The following DAZAP2 variants were observed in gnomAD, a reference collection of about 807,000 sequenced individuals.
The protein encoded by DAZAP2 is DAZ-associated protein 2.
In DAZAP2, 3 loss-of-function variants were observed where a neutral mutation model predicts 16.2. The ratio of observed to expected loss-of-function variants is 0.19; its 90% CI spans 0.08 to 0.48. The LOEUF (loss-of-function observed/expected upper bound fraction) is 0.48. Among genes scored for constraint, DAZAP2 ranks in the 20% least tolerant of loss-of-function variants. The pLI is 0.98. For missense variants in DAZAP2, 172 were observed against 215.9 expected, an observed-to-expected ratio of 0.80 and a Z score of 1.27; for synonymous variants, 69 against 77.6, an observed-to-expected ratio of 0.89 and a Z score of 0.58.
downstream of DAZAP2, chr12:51,244,477 T>G (rs1475266038): frequency 6.6e-6 from 1 of 152,156 alleles, no homozygotes; most frequent in Non-Finnish European, 1.5e-5. Flanking sequence ...TAACAGGCAG[T>G]GAGTCACTGC....
At chr12:51,245,892 A>G, downstream of DAZAP2, 1 of 1,575,974 alleles carries the variant, frequency 6.3e-7, no homozygotes, top group Non-Finnish European at 8.6e-7. Context: ...TAAGCAGTCA[A>G]CGTGTTAGCG....
intron 1 of DAZAP2, 52 bp downstream of exon 1, chr12:51,238,972 G>C: frequency 6.2e-7 from 1 of 1,607,642 alleles, no homozygotes; most frequent in Non-Finnish European, 8.5e-7. Flanking sequence ...CTGGCCCAGA[G>C]CGAGCGGATT....
At chr12:51,245,727 G>C (rs1944759202), downstream of DAZAP2, 2 of 525,606 alleles carry the variant, frequency 3.8e-6, no homozygotes, top group African/African-American at 3.8e-5. Flanking sequence ...GCTCTAGTAA[G>C]AGGGCCTGGT....
chr12:51,240,164 C>T (rs925510955), intron 1 of DAZAP2, 179 bp from the exon 2 acceptor site: 1 of 608,906 alleles, frequency 1.6e-6, no homozygotes, highest in South Asian at 1.9e-5. Flanking sequence ...CCAGCACCTT[C>T]CATTTTAAGG....
chr12:51,246,475 A>G, downstream of DAZAP2: 1 of 433,486 alleles, frequency 2.3e-6, no homozygotes, highest in East Asian at 3.6e-5. Context: ...CCACTCAACC[A>G]ACCACATATA....
intron 1 of DAZAP2, chr12:51,239,121 C>T (rs931744064): frequency 2.8e-6 from 2 of 722,630 alleles, no homozygotes; most frequent in South Asian, 1.9e-5. Context: ...CCCTTTCCTC[C>T]GTAAACTCTG....
At chr12:51,246,153 C>A, downstream of DAZAP2, 1 of 1,610,080 alleles carries the variant, frequency 6.2e-7, no homozygotes, top group Non-Finnish European at 8.5e-7. Flanking sequence ...AGAGATGTTT[C>A]AGGATTGAGG....
intron 3 of DAZAP2, 58 bp from the exon 4 acceptor site, chr12:51,242,272 G>C (rs1565653795): frequency 2.0e-6 from 3 of 1,523,208 alleles, no homozygotes; most frequent in Non-Finnish European, 2.6e-6. Flanking sequence ...CTTCCCCTAT[G>C]TCCCCTTCGC....
chr12:51,246,414 T>C, downstream of DAZAP2: 1 of 462,472 alleles, frequency 2.2e-6, no homozygotes, highest in Non-Finnish European at 3.8e-6. Context: ...GAACAGGAAA[T>C]GGCTTATCCT....
rs1361876745 is a variant in DAZAP2 at position 51,242,654 on chromosome 12, G to A, written c.*196G>A. ...GTAATGGTAGCAGTACCTCCCTAAA[G>A]CATTTTGAGGTAGGGGAGGTATCCA... On this transcript the variant is annotated 3_prime_UTR_variant, in exon 4 of 4. Transcript: ENST00000412716. 1.2e-5 allele frequency: 19 copies of A among 1,539,932 alleles called. No homozygotes were observed. The highest frequency in any genetic ancestry group is 1.7e-5 in the Non-Finnish European group (19 of 1,141,338).
Position 51,243,193 on chromosome 12 carries a change from T to C in DAZAP2, c.*735T>C. The C allele has an allele frequency of 1.0e-6, 1 of 985,938 alleles. No homozygotes were observed. Among genetic ancestry groups the C allele is most frequent in the Non-Finnish European group, 1.2e-6 (1 of 830,036 alleles). The allele number at this position is 985,938 out of a possible 1,614,324, so 61.1% of individuals were successfully genotyped here. On this transcript the variant is annotated 3_prime_UTR_variant, in exon 4 of 4. Coordinates refer to ENST00000412716, the MANE Select transcript of DAZAP2 (RefSeq NM_014764.4). Reference sequence around the variant, plus strand: ...TTATGGGCCCTCCTCATAGGTTGTCTCTGCATACACGAACCTAACCCAAAT... The same window carrying C: ...TTATGGGCCCTCCTCATAGGTTGTCCCTGCATACACGAACCTAACCCAAAT...
intron 2 of DAZAP2, 110 bp downstream of exon 2, chr12:51,240,571 A>G: frequency 9.2e-7 from 1 of 1,081,740 alleles, no homozygotes; most frequent in South Asian, 1.4e-5. Flanking sequence ...TGCTAACATG[A>G]ATAATCTAAA....
downstream of DAZAP2, chr12:51,245,976 C>A (rs372358236): frequency 9.9e-6 from 16 of 1,613,808 alleles, no homozygotes; most frequent in Admixed American, 2.7e-4. Context: ...CTGCCCTTGG[C>A]CAAGTCACTC....
intron 1 of DAZAP2, 102 bp downstream of exon 1, chr12:51,239,022 T>G: frequency 6.6e-7 from 1 of 1,525,364 alleles, no homozygotes; most frequent in Admixed American, 2.0e-5. Context: ...TGGGGTGGGC[T>G]GCGCCATGCT....
chr12:51,241,240 C>G lies in DAZAP2; in HGVS notation c.378+124C>G, dbSNP rs1770489833. On this transcript the variant is annotated intron_variant, in intron 3 of 3. Coordinates refer to ENST00000412716, the MANE Select transcript of DAZAP2 (RefSeq NM_014764.4). ...CCAGTGTTGGTACAACTACTGACAT[C>G]CAATACTCAGGCAGAAAGTGTTTGA... 1.0e-5 allele frequency: 15 copies of G among 1,438,146 alleles called. No individual in the cohort carries two copies. The South Asian group carries it at 2.0e-4, about 19-fold the overall frequency. 89.1% of individuals were successfully genotyped at this position (1,438,146 alleles called of 1,614,324 possible).
intron 2 of DAZAP2, 115 bp from the exon 3 acceptor site, chr12:51,240,756 A>G (rs1476810803): frequency 2.7e-5 from 38 of 1,424,156 alleles, no homozygotes; most frequent in Non-Finnish European, 3.4e-5. Flanking sequence ...GGCAACTTGT[A>G]TAATCTTACA....
In DAZAP2 at chr12:51,240,333, T is replaced by C; in HGVS notation, c.14-10T>C. ...TAGTAGGCAACCTTCATTTTTTTCTTGTCTTTCAGGTCAATATCCAACACA... is the reference window on the plus strand; with the variant it reads ...TAGTAGGCAACCTTCATTTTTTTCTCGTCTTTCAGGTCAATATCCAACACA... On this transcript the variant is annotated splice_polypyrimidine_tract_variant and intron_variant, in intron 1 of 3. Coordinates refer to ENST00000412716, the MANE Select transcript of DAZAP2 (RefSeq NM_014764.4). 1 of 1,610,556 alleles carries C rather than the reference T, an allele frequency of 6.2e-7. No individual in the cohort carries two copies. Among genetic ancestry groups the C allele is most frequent in the Non-Finnish European group, 8.5e-7 (1 of 1,176,818 alleles).
rs779196218 is a variant in DAZAP2, at chr12:51,238,874, C to T, written c.-34C>T. ...GAAGAGGACGAAAAAAATAACCGTC[C>T]GCGACGCCGAGACAAACCGGACCCG... On this transcript the variant is annotated 5_prime_UTR_variant, in exon 1 of 4. Transcript: ENST00000412716. The T allele has an allele frequency of 2.4e-5, 38 of 1,612,840 alleles. No homozygotes were observed. The South Asian group carries it at 3.0e-4, about 13-fold the overall frequency.
At chr12:51,238,947 T>C in intron 1 of DAZAP2, 27 bp downstream of exon 1, 1 of 1,611,592 alleles carries the variant, frequency 6.2e-7, no homozygotes, top group Non-Finnish European at 8.5e-7. Context: ...GCAGAGGCCG[T>C]CGGGGGGAGT....
Sources: allele counts gnomAD v4.1 joint callset, GRCh38; gene constraint gnomAD v4.1.1; transcripts MANE v1.5; gene names NCBI Gene and HGNC (gene_info 2026-07-23, HGNC 2026-07-21).